The following FOXJ3 variants were observed in gnomAD, a reference collection of about 807,000 sequenced individuals.
The protein encoded by FOXJ3 is forkhead box protein J3.
A neutral mutation model predicts 76.1 loss-of-function variants in FOXJ3; 22 were observed. The observed-to-expected ratio is 0.29, with a 90% CI of 0.21 to 0.41. The LOEUF is 0.41. Among genes scored for constraint, FOXJ3 ranks in the 10% least tolerant of loss-of-function variants. The pLI, the probability that FOXJ3 is intolerant of heterozygous loss-of-function variation, is 1.00. For synonymous variants in FOXJ3, 269 were observed against 261.2 expected, an observed-to-expected ratio of 1.03 and a Z score of -0.29; for missense variants, 613 against 762.1, an observed-to-expected ratio of 0.80 and a Z score of 2.30.
intron 4 of FOXJ3, among the ~76,000 whole-genome samples, chr1:42,228,582 A>AG: frequency 6.6e-6 from 1 of 151,438 alleles, no homozygotes; most frequent in African/African-American, 2.4e-5. Context: ...AAAAAAAAAA[A>AG]CTTTGGAAAA....
intron 9 of FOXJ3, 126 bp downstream of exon 9, chr1:42,191,177 A>C: frequency 1.2e-6 from 1 of 867,588 alleles, no homozygotes; most frequent in Non-Finnish European, 1.7e-6. Context: ...AGTTACAACT[A>C]TAGGATTATA....
chr1:42,197,504 A>G (rs1026130562), intron 7 of FOXJ3, among the ~76,000 whole-genome samples: 1 of 152,182 alleles, frequency 6.6e-6, no homozygotes, highest in African/African-American at 2.4e-5. Flanking sequence ...GGGACTGGTT[A>G]CAGGAACCCC....
At chr1:42,211,300 G>C (rs1475386286) in intron 5 of FOXJ3, among the ~76,000 whole-genome samples, 1 of 152,130 alleles carries the variant, frequency 6.6e-6, no homozygotes, top group East Asian at 1.9e-4. Flanking sequence ...TTCCATGAGA[G>C]GTAGAGTCAT....
At chr1:42,192,801 A>G (rs1646576990) in intron 8 of FOXJ3, among the ~76,000 whole-genome samples, 1 of 152,108 alleles carries the variant, frequency 6.6e-6, no homozygotes, top group African/African-American at 2.4e-5. Flanking sequence ...TCAATAAAAG[A>G]ATCAAGCTTT....
intron 5 of FOXJ3, among the ~76,000 whole-genome samples, chr1:42,212,656 T>C (rs984830553): frequency 6.6e-6 from 1 of 152,116 alleles, no homozygotes; most frequent in African/African-American, 2.4e-5. Context: ...GAAAACCTAT[T>C]TGAGGAAATA....
chr1:42,272,875 G>A (rs533545038), intron 3 of FOXJ3, among the ~76,000 whole-genome samples: 4 of 152,202 alleles, frequency 2.6e-5, no homozygotes, highest in African/African-American at 4.8e-5. Context: ...ACTCTATCAC[G>A]TTCTCTACTG....
chr1:42,223,744 T>G (rs1180793599), intron 5 of FOXJ3, among the ~76,000 whole-genome samples: 2 of 152,238 alleles, frequency 1.3e-5, no homozygotes, highest in Non-Finnish European at 1.5e-5. Flanking sequence ...TTTGAATTAA[T>G]GGAGGGAATT....
At chr1:42,191,256 TC>T in intron 9 of FOXJ3, 46 bp downstream of exon 9, 1 of 1,505,140 alleles carries the variant, frequency 6.6e-7, no homozygotes. Context: ...AAAGGACAGA[TC>T]CTAATTCACA....
Position 42,216,589 on chromosome 1 carries a change from A to G in FOXJ3, c.529-10726T>C, listed in dbSNP as rs775546424. 3.6e-4 allele frequency among the ~76,000 whole-genome samples: 55 copies of G among 152,230 alleles called. 1 individual carries two copies. The highest frequency in any genetic ancestry group is 1.9e-4 in the Non-Finnish European group (13 of 68,030). ...ACATAAATTATTTAAGGCAAAAGTTATAACACTGTCTTATGAACATCTACA... is the reference window on the plus strand; with the variant it reads ...ACATAAATTATTTAAGGCAAAAGTTGTAACACTGTCTTATGAACATCTACA... On this transcript the variant is annotated intron_variant, in intron 5 of 12. Coordinates refer to ENST00000361346, the MANE Select transcript of FOXJ3 (RefSeq NM_014947.5).
chr1:42,251,511 A>T (rs1416590399), intron 4 of FOXJ3, among the ~76,000 whole-genome samples: 2 of 152,016 alleles, frequency 1.3e-5, no homozygotes, highest in Non-Finnish European at 2.9e-5. Context: ...TAGCATGAAG[A>T]GTTGTTGAAT....
At position 42,245,166 on chromosome 1, in the gene FOXJ3, C is replaced by CA. The variant is rs4019583; in HGVS notation, c.445-17201dup. On this transcript the variant is annotated intron_variant, in intron 4 of 12. Coordinates refer to ENST00000361346, the MANE Select transcript of FOXJ3 (RefSeq NM_014947.5). ...CTGCACTCCAGCCTGAGACTCGTCT[C>CA]AAAAAAAAAAAAAAAAAAACAAGTC... Among the ~76,000 whole-genome samples, 432 of 122,300 alleles carry CA rather than the reference C, an allele frequency of 3.5e-3. 4 individuals are homozygous for CA. Among genetic ancestry groups the CA allele is most frequent in the East Asian group, 9.9e-3 (41 of 4,130 alleles). 80.2% of individuals were successfully genotyped at this position (122,300 alleles called of 152,430 possible).
intron 4 of FOXJ3, among the ~76,000 whole-genome samples, chr1:42,244,964 G>A (rs1649429528): frequency 6.6e-6 from 1 of 152,158 alleles, no homozygotes; most frequent in Admixed American, 6.5e-5. Context: ...GGCAGATCAT[G>A]AGGTCAGGAG....
At chr1:42,208,210 G>A (rs941182073) in intron 5 of FOXJ3, among the ~76,000 whole-genome samples, 1 of 152,182 alleles carries the variant, frequency 6.6e-6, no homozygotes, top group Non-Finnish European at 1.5e-5. Flanking sequence ...AGTAAGTGCT[G>A]GCCACTATGA....
At chr1:42,311,692 A>G (rs1009790750) in intron 1 of FOXJ3, among the ~76,000 whole-genome samples, 25 of 102,400 alleles carry the variant, frequency 2.4e-4, no homozygotes, top group African/African-American at 1.1e-3. Context: ...AGAAGCACTG[A>G]AACAGAAAGA....
chr1:42,216,335 G>A (rs1647066150), intron 5 of FOXJ3, among the ~76,000 whole-genome samples: 3 of 151,864 alleles, frequency 2.0e-5, no homozygotes, highest in Admixed American at 2.0e-4. Flanking sequence ...TGGCTAACAC[G>A]GTGAAACCCC....
intron 5 of FOXJ3, among the ~76,000 whole-genome samples, chr1:42,215,859 C>A (rs906562874): frequency 6.6e-6 from 1 of 152,090 alleles, no homozygotes; most frequent in Non-Finnish European, 1.5e-5. Context: ...AAAAAATACT[C>A]TTCAAAAATG....
intron 2 of FOXJ3, among the ~76,000 whole-genome samples, chr1:42,307,989 G>A (rs971504853): frequency 6.6e-6 from 1 of 152,310 alleles, no homozygotes; most frequent in Non-Finnish European, 1.5e-5. Context: ...GACTGGGGGA[G>A]AGAGTTTTAA....
At chr1:42,251,918 C>T (rs955724459) in intron 4 of FOXJ3, among the ~76,000 whole-genome samples, 5 of 151,834 alleles carry the variant, frequency 3.3e-5, no homozygotes, top group Admixed American at 2.0e-4. Context: ...GGGGTTTCAC[C>T]GTGTTAGCCA....
intron 1 of FOXJ3, among the ~76,000 whole-genome samples, chr1:42,331,237 C>T (rs1359266878): frequency 2.0e-5 from 3 of 152,028 alleles, no homozygotes; most frequent in African/African-American, 7.2e-5. Context: ...CAGAAATTAG[C>T]GGGGCATGGT....
Sources: allele counts gnomAD v4.1 joint callset (sites outside exome capture counted in the v4.1 genomes callset), GRCh38; gene constraint gnomAD v4.1.1; transcripts MANE v1.5; gene names NCBI Gene and HGNC (gene_info 2026-07-23, HGNC 2026-07-21).